RBFOX1: variants seen among roughly 807,000 people sequenced by gnomAD.
The protein encoded by RBFOX1 is RNA binding fox-1 homolog 1.
RBFOX1 carries 8 observed loss-of-function variants against 57.7 expected under a neutral mutation model. That is an observed-to-expected ratio of 0.14 (90% CI 0.08 to 0.25). RBFOX1 has a LOEUF of 0.25. Ranked by LOEUF, RBFOX1 falls within the 10% of genes least tolerant of loss-of-function variation. RBFOX1 has a pLI of 1.00. For missense variants in RBFOX1, 611 were observed against 548.5 expected (o/e 1.11, Z -1.14); for synonymous variants, 326 against 222.4 (o/e 1.47, Z -4.15).
chr16:6,464,049 A>T (rs989372622), intron 2 of RBFOX1, among the ~76,000 whole-genome samples: 1 of 152,214 alleles, frequency 6.6e-6, no homozygotes, highest in Non-Finnish European at 1.5e-5. Flanking sequence ...AATGTGAATC[A>T]AATTTTCATG....
intron 2 of RBFOX1, among the ~76,000 whole-genome samples, chr16:6,409,105 C>A (rs1022464586): frequency 4.6e-5 from 7 of 152,120 alleles, no homozygotes; most frequent in Non-Finnish European, 7.3e-5. Context: ...ACTTCAAATA[C>A]TAATGTTTTA....
chr16:5,667,840 A>G (rs374322749), intron 3 of RBFOX1, among the ~76,000 whole-genome samples: 6 of 152,302 alleles, frequency 3.9e-5, no homozygotes, highest in South Asian at 2.1e-4. Context: ...ATTTCTGGTA[A>G]TGAGACTTTA....
intron 1 of RBFOX1, among the ~76,000 whole-genome samples, chr16:6,148,747 A>G (rs1443960298): frequency 1.3e-5 from 2 of 152,210 alleles, no homozygotes; most frequent in East Asian, 1.9e-4. Flanking sequence ...ACTTCGCTTT[A>G]TCTAATAGTG....
At chr16:5,901,557 G>A (rs1032319794) in intron 4 of RBFOX1, among the ~76,000 whole-genome samples, 3 of 152,132 alleles carry the variant, frequency 2.0e-5, no homozygotes, top group Non-Finnish European at 2.9e-5. Context: ...AACTGAAATT[G>A]GTTAAAATTA....
At chr16:7,110,960 T>G (rs2064633698) in intron 4 of RBFOX1, among the ~76,000 whole-genome samples, 1 of 152,170 alleles carries the variant, frequency 6.6e-6, no homozygotes, top group Non-Finnish European at 1.5e-5. Flanking sequence ...CCTGAAATTG[T>G]GTATCGTACA....
chr16:6,554,033 T>TATGAATGA (rs34641433), intron 2 of RBFOX1, among the ~76,000 whole-genome samples: 15,042 of 151,888 alleles, frequency 0.099, 1,715 homozygotes, highest in African/African-American at 0.28. Flanking sequence ...GTTTTGAAAG[T>TATGAATGA]ATGAATGAAT....
chr16:7,133,199 A>C (rs2152001597), intron 4 of RBFOX1, among the ~76,000 whole-genome samples: 1 of 152,308 alleles, frequency 6.6e-6, no homozygotes, highest in South Asian at 2.1e-4. Flanking sequence ...ATGAAGAGGG[A>C]AAGAGAAAAC....
Position 7,351,704 on chromosome 16 carries a change from A to C in RBFOX1, c.28-166443A>C, listed in dbSNP as rs1204699740. On this transcript the variant is annotated intron_variant, in intron 4 of 15. Coordinates refer to ENST00000550418, the MANE Select transcript of RBFOX1 (RefSeq NM_018723.4). Reference sequence around the variant, plus strand: ...TTGCCTTAGAGACACCTGGTACTTTACTCTCCCATGCCCTAAATACCCATG... The same window carrying C: ...TTGCCTTAGAGACACCTGGTACTTTCCTCTCCCATGCCCTAAATACCCATG... Among the ~76,000 whole-genome samples the C allele has an allele frequency of 2.6e-5, 4 of 151,680 alleles. No individual in the cohort carries two copies. In the East Asian group the frequency reaches 7.8e-4, roughly 29 times the overall value.
chr16:7,573,794 C>T (rs571540835), intron 5 of RBFOX1, among the ~76,000 whole-genome samples: 2 of 151,638 alleles, frequency 1.3e-5, no homozygotes, highest in African/African-American at 2.4e-5. Flanking sequence ...AAGATTGTGC[C>T]ACTAGACTCC....
rs542929343 is a variant in RBFOX1, at chr16:7,334,845, G to T, written c.28-183302G>T. Among the ~76,000 whole-genome samples the T allele has an allele frequency of 3.9e-5, 6 of 152,264 alleles. No homozygotes were observed. The East Asian group carries it at 1.2e-3, about 29-fold the overall frequency. On this transcript the variant is annotated intron_variant, in intron 4 of 15. Transcript: ENST00000550418. ...CAGTTATTTTTGGAAAGAACAAGTGGTCTTACTTGTAAATCTTAGCCTGAT... is the reference window on the plus strand; with the variant it reads ...CAGTTATTTTTGGAAAGAACAAGTGTTCTTACTTGTAAATCTTAGCCTGAT...
In RBFOX1 at chr16:5,933,791, T is replaced by C. The variant is rs12925212; in HGVS notation, c.351+66456T>C. Among the ~76,000 whole-genome samples, 3 of 152,056 alleles carry C rather than the reference T, an allele frequency of 2.0e-5. No individual in the cohort carries two copies. The East Asian group carries it at 5.8e-4, about 29-fold the overall frequency. Reference sequence around the variant, plus strand: ...TGGCCACAAGGTGTTTTTTTTTGTTTTTTTTTTAACTTATATTTTAGGCTT... The same window carrying C: ...TGGCCACAAGGTGTTTTTTTTTGTTCTTTTTTTAACTTATATTTTAGGCTT... On this transcript the variant is annotated intron_variant, in intron 4 of 19. Coordinates refer to the RBFOX1 transcript ENST00000641259.
intron 5 of RBFOX1, among the ~76,000 whole-genome samples, chr16:7,546,862 A>T (rs755208947): frequency 3.3e-5 from 5 of 152,160 alleles, no homozygotes; most frequent in African/African-American, 7.2e-5. Context: ...TCTTTCTGCA[A>T]ATCTCTGCAC....
intron 3 of RBFOX1, among the ~76,000 whole-genome samples, chr16:6,954,923 A>C (rs995029573): frequency 6.6e-6 from 1 of 152,114 alleles, no homozygotes; most frequent in South Asian, 2.1e-4. Flanking sequence ...TTATTAGGCT[A>C]TTTTAGGCAT....
chr16:5,445,916 A>G lies in RBFOX1; in HGVS notation c.220-21300A>G, dbSNP rs558384011. 5.3e-4 allele frequency among the ~76,000 whole-genome samples: 80 copies of G among 152,318 alleles called. 1 individual carries two copies. The highest frequency in any genetic ancestry group is 8.3e-4 in the South Asian group (4 of 4,832). ...TTCTTTCTTATTTTACTCCCCAGGT[A>G]TGCTTTGAGTGGGAATGTGAGGAGT... On this transcript the variant is annotated intron_variant, in intron 1 of 2. Coordinates refer to the RBFOX1 transcript ENST00000585867.
chr16:7,062,658 CT>C (rs1312067287), intron 4 of RBFOX1, among the ~76,000 whole-genome samples: 1 of 152,160 alleles, frequency 6.6e-6, no homozygotes, highest in East Asian at 1.9e-4. Flanking sequence ...CAGTTGAATT[CT>C]TTCTCCTGAG....
rs28503636 is a variant in RBFOX1, at chr16:6,823,071, T to C, written c.-16+168421T>C. Among the ~76,000 whole-genome samples the C allele has an allele frequency of 6.2e-4, 94 of 152,236 alleles. 1 individual carries two copies. Among genetic ancestry groups the C allele is most frequent in the African/African-American group, 2.2e-3 (93 of 41,540 alleles). ...TTGGCATGTGTGTTGAATACAATTA[T>C]TTCCATTTTACAGATGGGAGACTGA... On this transcript the variant is annotated intron_variant, in intron 3 of 15. Transcript: ENST00000550418.
rs531339674 is a variant in RBFOX1, at chr16:5,754,428, C to T, written c.319-112875C>T. 1.3e-5 allele frequency among the ~76,000 whole-genome samples: 2 copies of T among 151,634 alleles called. 1 individual carries two copies. The highest frequency in any genetic ancestry group is 4.2e-4 in the South Asian group (2 of 4,778). On this transcript the variant is annotated intron_variant, in intron 3 of 19. Coordinates refer to the RBFOX1 transcript ENST00000641259. ...CCCCTACACACCTGTGGGTGTTTCT[C>T]GTAAGGTGGGACGAGAGATTTGGAA... is the stretch of plus-strand genomic sequence containing the variant.
At chr16:6,974,186 AGCATT>A (rs1216496402) in intron 3 of RBFOX1, among the ~76,000 whole-genome samples, 3 of 151,868 alleles carry the variant, frequency 2.0e-5, no homozygotes, top group Non-Finnish European at 1.5e-5. Flanking sequence ...ATCATTGCTG[AGCATT>A]TGTTTTGATT....
chr16:6,970,420 G>C (rs1466629047), intron 3 of RBFOX1, among the ~76,000 whole-genome samples: 1 of 152,084 alleles, frequency 6.6e-6, no homozygotes, highest in African/African-American at 2.4e-5. Flanking sequence ...GTCTGCTCAG[G>C]CTGCTACATC....
Sources: gnomAD v4.1 joint callset for allele counts (sites outside exome capture counted in the v4.1 genomes callset) on GRCh38, gnomAD v4.1.1 for gene constraint, MANE v1.5 for transcripts, NCBI Gene and HGNC (gene_info 2026-07-23, HGNC 2026-07-21) for gene names.